The following TM9SF2 variants were observed in gnomAD, a reference collection of about 807,000 sequenced individuals.
The protein encoded by TM9SF2 is transmembrane 9 superfamily member 2.
A neutral mutation model predicts 84.9 loss-of-function variants in TM9SF2; 13 were observed. That is an observed-to-expected ratio of 0.15 (90% CI 0.10 to 0.24). The LOEUF is 0.24. TM9SF2 is among the 10% of genes least tolerant of loss of function. TM9SF2 has a pLI of 1.00. For synonymous variants in TM9SF2, 273 were observed against 285.8 expected (o/e 0.96, Z 0.45); for missense variants, 562 against 818.5 (o/e 0.69, Z 3.82).
chr13:99,508,444 C>CACACACACACA (rs1555339315), intron 1 of TM9SF2, among the ~76,000 whole-genome samples: 6 of 143,610 alleles, frequency 4.2e-5, no homozygotes, highest in African/African-American at 7.7e-5. Context: ...CACACACACA[C>CACACACACACA]CCCAGAGATT....
rs766460956 is a variant in TM9SF2 at position 99,562,674 on chromosome 13, TA to T, written c.1925-16del. On this transcript the variant is annotated splice_polypyrimidine_tract_variant and intron_variant, in intron 16 of 16. Transcript: ENST00000376387. ...CTTCCTTTGAAAAGGGGTTTATTTT[TA>T]TTTTTTCTCTTATAGGAACAATTGG... The T allele has an allele frequency of 1.2e-6, 2 of 1,610,188 alleles. No individual in the cohort carries two copies. The highest frequency in any genetic ancestry group is 1.7e-6 in the Non-Finnish European group (2 of 1,178,772).
intron 3 of TM9SF2, among the ~76,000 whole-genome samples, chr13:99,525,250 T>C (rs1455852763): frequency 6.6e-6 from 1 of 152,084 alleles, no homozygotes; most frequent in East Asian, 1.9e-4. Flanking sequence ...TGTTTGTTTG[T>C]TTGTTTGTTT....
At position 99,517,633 on chromosome 13, in the gene TM9SF2, T is replaced by A; in HGVS notation, c.191T>A (p.Val64Glu). The A allele has an allele frequency of 1.3e-6, 2 of 1,588,510 alleles. No individual in the cohort carries two copies. Among genetic ancestry groups the A allele is most frequent in the African/African-American group, 2.7e-5 (2 of 73,808 alleles). ...TTTCAGGCCGAAATAGAACTATTTG[T>A]GAACAGACTTGATTCAGTGGAATCA... Reference protein sequence around the residue: ...DECKAEIELFVNRLDSVESVL... With the variant: ...DECKAEIELFENRLDSVESVL... Residue 64 changes from valine to glutamate, a missense_variant, in exon 2 of 17, where the codon GTG (valine) becomes GAG (glutamate). Physicochemically the swap from Val to Glu is moderately radical, Grantham distance 121 (BLOSUM62 -2). This residue lies in a region of TM9SF2 where 267 missense variants were observed against 316.7 expected (regional missense o/e 0.84). Transcript: ENST00000376387.
In TM9SF2 at chr13:99,541,331, A is replaced by C. The variant is rs113962105; in HGVS notation, c.909-228A>C. On this transcript the variant is annotated intron_variant, in intron 8 of 16. Coordinates refer to ENST00000376387, the MANE Select transcript of TM9SF2 (RefSeq NM_004800.3). ...TATTGACCATGTACCAAAAAATTCT[A>C]GTTCTAAACAGACTATGAAACTGTA... Among the ~76,000 whole-genome samples the C allele has an allele frequency of 1.2e-3, 184 of 152,356 alleles. 2 individuals carry two copies. The highest frequency in any genetic ancestry group is 4.2e-3 in the African/African-American group (174 of 41,584).
chr13:99,536,181 G>A (rs1388914835), intron 4 of TM9SF2, among the ~76,000 whole-genome samples: 2 of 152,022 alleles, frequency 1.3e-5, no homozygotes, highest in Admixed American at 6.6e-5. Context: ...TCTGCTAAAG[G>A]TAAATTACAG....
intron 8 of TM9SF2, among the ~76,000 whole-genome samples, chr13:99,541,190 T>A (rs1002075237): frequency 6.6e-6 from 1 of 152,246 alleles, no homozygotes; most frequent in Admixed American, 6.5e-5. Context: ...TATTGCTGTC[T>A]GATCTTTTTG....
At chr13:99,519,947 C>G (rs1329164120) in intron 2 of TM9SF2, 89 bp from the exon 3 acceptor site, 1 of 1,085,414 alleles carries the variant, frequency 9.2e-7, no homozygotes, top group East Asian at 2.5e-5. Context: ...CTACAATGAT[C>G]AGTACCTAAT....
intron 1 of TM9SF2, among the ~76,000 whole-genome samples, chr13:99,503,665 G>A (rs1045615582): frequency 2.2e-4 from 32 of 146,230 alleles, no homozygotes; most frequent in African/African-American, 7.7e-4. Flanking sequence ...AGCTGAGATC[G>A]CGCCATTGCA....
chr13:99,519,967 A>G, intron 2 of TM9SF2, 69 bp from the exon 3 acceptor site: 2 of 1,401,588 alleles, frequency 1.4e-6, no homozygotes, highest in Non-Finnish European at 2.0e-6. Flanking sequence ...TCTGCTCTCA[A>G]GATTGGCTAG....
chr13:99,505,890 A>G (rs1195100001), intron 1 of TM9SF2, among the ~76,000 whole-genome samples: 2 of 152,246 alleles, frequency 1.3e-5, no homozygotes, highest in East Asian at 1.9e-4. Flanking sequence ...AGAACTAAAA[A>G]TAGTATTAAT....
chr13:99,557,870 C>A (rs1201844001), intron 15 of TM9SF2, among the ~76,000 whole-genome samples: 1 of 147,724 alleles, frequency 6.8e-6, no homozygotes, highest in African/African-American at 2.5e-5. Flanking sequence ...TCTCCTACCC[C>A]ACCCCCGACC....
In TM9SF2 at chr13:99,562,810, C is replaced by T. The variant is rs1172314532; in HGVS notation, c.*52C>T. The T allele has an allele frequency of 1.3e-6, 2 of 1,561,038 alleles. No homozygotes were observed. The highest frequency in any genetic ancestry group is 2.3e-5 in the East Asian group (1 of 44,402). ...AGAAATAAATTAAACTCTTCATCAA[C>T]AAAGACCTGTTTTTGTGACTGCCTT... On this transcript the variant is annotated 3_prime_UTR_variant, in exon 17 of 17. Transcript: ENST00000376387.
rs773026968 is a variant in TM9SF2 at position 99,538,884 on chromosome 13, G to A, written c.717-562G>A. ...ACTGCACACCAGCCTGGGTGACAAA[G>A]CAAGACCTTGTCTCAAAAACAAAAC... On this transcript the variant is annotated intron_variant, in intron 6 of 16. Coordinates refer to ENST00000376387, the MANE Select transcript of TM9SF2 (RefSeq NM_004800.3). Among the ~76,000 whole-genome samples, 78 of 151,892 alleles carry A rather than the reference G, an allele frequency of 5.1e-4. 2 individuals are homozygous for A. Among genetic ancestry groups the A allele is most frequent in the Non-Finnish European group, 1.5e-4 (10 of 67,992 alleles).
intron 16 of TM9SF2, among the ~76,000 whole-genome samples, chr13:99,560,134 C>T (rs950317924): frequency 5.3e-5 from 8 of 152,146 alleles, no homozygotes; most frequent in African/African-American, 7.2e-5. Flanking sequence ...ACATTTGTCG[C>T]GTGAGTGACT....
chr13:99,521,066 C>T (rs915328597), intron 3 of TM9SF2, among the ~76,000 whole-genome samples: 1 of 152,108 alleles, frequency 6.6e-6, no homozygotes, highest in African/African-American at 2.4e-5. Flanking sequence ...TGTTTTGTAT[C>T]TGTTCTCCTA....
At chr13:99,551,471 C>T (rs1361578931) in intron 12 of TM9SF2, among the ~76,000 whole-genome samples, 1 of 152,228 alleles carries the variant, frequency 6.6e-6, no homozygotes, top group African/African-American at 2.4e-5. Context: ...GGCGTAACTA[C>T]TGTGTGAAAA....
intron 1 of TM9SF2, among the ~76,000 whole-genome samples, chr13:99,506,212 G>A (rs751225622): frequency 2.0e-5 from 3 of 152,002 alleles, no homozygotes; most frequent in African/African-American, 7.3e-5. Context: ...TGATCTGAAC[G>A]GACACAGAAT....
chr13:99,553,802 C>T (rs1566573680), intron 13 of TM9SF2, among the ~76,000 whole-genome samples: 1 of 152,188 alleles, frequency 6.6e-6, no homozygotes. Flanking sequence ...ACATCACCAA[C>T]TCCTTATGGT....
chr13:99,502,017 A>G (rs955340581), intron 1 of TM9SF2, among the ~76,000 whole-genome samples: 9 of 152,198 alleles, frequency 5.9e-5, no homozygotes, highest in African/African-American at 1.7e-4. Context: ...TTGCGGGCCA[A>G]GTGGCACGAG....
Sources: gnomAD v4.1 joint callset for allele counts (sites outside exome capture counted in the v4.1 genomes callset) on GRCh38, gnomAD v4.1.1 for gene constraint, gnomAD v4.1.1 regional missense constraint, MANE v1.5 for transcripts, NCBI Gene and HGNC (gene_info 2026-07-23, HGNC 2026-07-21) for gene names.